Variants in ZNF589 observed in about 807,000 individuals in gnomAD.
The protein encoded by ZNF589 is zinc finger protein 589, also known as KRAB-zinc finger protein SZF1-1.
In ZNF589, 17 loss-of-function variants were observed where a neutral mutation model predicts 13.6. That is an observed-to-expected ratio of 1.25 (90% CI 0.86 to 1.88). The LOEUF (loss-of-function observed/expected upper bound fraction) is 1.88, where lower values mean the gene tolerates loss of function less well. ZNF589 is among the 40% of genes most tolerant of loss of function. The probability of loss-of-function intolerance (pLI) is 0.00; values close to 1 mark genes in which losing one functional copy is unlikely to be tolerated. For synonymous variants in ZNF589, 148 were observed against 161.6 expected (o/e 0.92, Z 0.64); for missense variants, 407 against 434.0 (o/e 0.94, Z 0.55).
chr3:48,261,997 A>G (rs1194855570), intron 3 of ZNF589, among the ~76,000 whole-genome samples: 1 of 152,198 alleles, frequency 6.6e-6, no homozygotes, highest in Non-Finnish European at 1.5e-5. Context: ...ATTCAAATTA[A>G]TCTTGACCCT....
chr3:48,242,859 G>A lies in ZNF589; in HGVS notation c.43+1645G>A, dbSNP rs528454327. Among the ~76,000 whole-genome samples the A allele has an allele frequency of 6.0e-5, 9 of 150,398 alleles. No individual in the cohort carries two copies. The South Asian group carries it at 1.5e-3, about 25-fold the overall frequency. On this transcript the variant is annotated intron_variant, in intron 1 of 3. Transcript: ENST00000354698. ...GCAGGAGGATCTCTTGAGCCCAGGA[G>A]TTCAAGACCAGCCTGGTCAACATGG...
intron 2 of ZNF589, among the ~76,000 whole-genome samples, chr3:48,250,754 G>A (rs756687909): frequency 6.6e-6 from 1 of 152,106 alleles, no homozygotes; most frequent in Non-Finnish European, 1.5e-5. Context: ...TTACAGGCGT[G>A]AGCCACCACA....
At chr3:48,256,244 A>G (rs1343836455) in intron 2 of ZNF589, 2 of 356,052 alleles carry the variant, frequency 5.6e-6, no homozygotes, top group East Asian at 1.7e-4. Flanking sequence ...CCAGGCCGTC[A>G]TGGTGGGGTG....
intron 1 of ZNF589, among the ~76,000 whole-genome samples, chr3:48,242,389 G>A (rs1284970757): frequency 1.3e-5 from 2 of 148,814 alleles, no homozygotes; most frequent in Non-Finnish European, 2.9e-5. Flanking sequence ...TGGGATTACA[G>A]GTGGGAGCTA....
intron 3 of ZNF589, among the ~76,000 whole-genome samples, chr3:48,266,747 C>CA (rs1326741198): frequency 6.6e-6 from 1 of 152,008 alleles, no homozygotes; most frequent in East Asian, 1.9e-4. Context: ...TACTTTAATC[C>CA]AAAAAAACCC....
chr3:48,263,940 C>T (rs1231852795), intron 3 of ZNF589, among the ~76,000 whole-genome samples: 1 of 152,204 alleles, frequency 6.6e-6, no homozygotes, highest in East Asian at 1.9e-4. Flanking sequence ...GCTCCTATCA[C>T]TCATTTACTC....
At chr3:48,255,487 CTTTTTTTTTTTTTTT>C (rs1230659894) in intron 2 of ZNF589, among the ~76,000 whole-genome samples, 3 of 82,758 alleles carry the variant, frequency 3.6e-5, no homozygotes, top group Non-Finnish European at 6.8e-5. Flanking sequence ...AGAGTTTTTA[CTTTTTTTTTTTTTTT>C]TTTTTTTTTT....
intron 2 of ZNF589, among the ~76,000 whole-genome samples, chr3:48,255,722 C>T (rs1385623512): frequency 6.6e-6 from 1 of 151,678 alleles, no homozygotes; most frequent in Non-Finnish European, 1.5e-5. Context: ...CTTGTAACCT[C>T]AGGTGATCTG....
chr3:48,260,023 T>C (rs568360770), intron 2 of ZNF589, among the ~76,000 whole-genome samples: 1 of 152,264 alleles, frequency 6.6e-6, no homozygotes, highest in South Asian at 2.1e-4. Context: ...TCAGTAGAAG[T>C]TGATTGGTGA....
chr3:48,258,460 T>C (rs2033933602), intron 2 of ZNF589, among the ~76,000 whole-genome samples: 1 of 152,226 alleles, frequency 6.6e-6, no homozygotes, highest in Admixed American at 6.5e-5. Flanking sequence ...ACCGTGTCCT[T>C]GGCAAATAGG....
chr3:48,258,325 C>T (rs1297636248), intron 2 of ZNF589, among the ~76,000 whole-genome samples: 1 of 152,022 alleles, frequency 6.6e-6, no homozygotes, highest in Non-Finnish European at 1.5e-5. Flanking sequence ...TCCACATGGT[C>T]GTTGTTAATC....
chr3:48,258,319 C>T (rs1377501411), intron 2 of ZNF589, among the ~76,000 whole-genome samples: 1 of 152,134 alleles, frequency 6.6e-6, no homozygotes, highest in Non-Finnish European at 1.5e-5. Flanking sequence ...TCAGTTTCCA[C>T]ATGGTCGTTG....
chr3:48,252,617 CTTTTT>C (rs71625863), intron 2 of ZNF589, among the ~76,000 whole-genome samples: 3 of 97,286 alleles, frequency 3.1e-5, no homozygotes, highest in African/African-American at 1.1e-4. Flanking sequence ...AGAATAATAT[CTTTTT>C]TTTTTTTTTT....
At chr3:48,261,732 G>T (rs2033970728) in intron 3 of ZNF589, among the ~76,000 whole-genome samples, 1 of 152,178 alleles carries the variant, frequency 6.6e-6, no homozygotes, top group African/African-American at 2.4e-5. Context: ...GCATAGCTAT[G>T]AATTACATAG....
intron 2 of ZNF589, among the ~76,000 whole-genome samples, chr3:48,250,723 C>T (rs903139026): frequency 2.0e-5 from 3 of 152,096 alleles, no homozygotes; most frequent in South Asian, 2.1e-4. Context: ...CCGCCCTCCT[C>T]GGCCTCCCGA....
At position 48,265,850 on chromosome 3, in the gene ZNF589, A is replaced by G. The variant is rs1247664423; in HGVS notation, c.224-2065A>G. Among the ~76,000 whole-genome samples the G allele has an allele frequency of 7.2e-5, 11 of 152,178 alleles. No homozygotes were observed. The South Asian group carries it at 1.0e-3, about 14-fold the overall frequency. On this transcript the variant is annotated intron_variant, in intron 3 of 3. Coordinates refer to ENST00000354698, the MANE Select transcript of ZNF589 (RefSeq NM_016089.3). ...CTGAATTTGGATTCTAAGCTCTATT[A>G]TTATTATTATTATCCTTAATAATAA...
intron 3 of ZNF589, among the ~76,000 whole-genome samples, chr3:48,267,397 AG>A (rs2034029237): frequency 6.6e-6 from 1 of 152,050 alleles, no homozygotes; most frequent in Non-Finnish European, 1.5e-5. Flanking sequence ...AATAAATAGA[AG>A]AATTTTTTTT....
At position 48,268,197 on chromosome 3, in the gene ZNF589, G is replaced by A. The variant is rs751105756; in HGVS notation, c.506G>A (p.Ser169Asn). 2.5e-6 allele frequency: 4 copies of A among 1,609,686 alleles called. No homozygotes were observed. The highest frequency in any genetic ancestry group is 1.1e-5 in the South Asian group (1 of 90,290). ...AGGGGGGCTTTAGTGGGTTTCTCTA[G>A]CCTGTTCCAGAGACCACCAATAAGC... ...NERGALVGFSSLFQRPPISSW... is the reference protein window; with the variant it reads ...NERGALVGFSNLFQRPPISSW... Residue 169 changes from serine to asparagine, a missense_variant, in exon 4 of 4, where the codon AGC becomes AAC. Physicochemically the swap from Ser to Asn is conservative, Grantham distance 46. Coordinates refer to ENST00000354698, the MANE Select transcript of ZNF589 (RefSeq NM_016089.3).
intron 2 of ZNF589, chr3:48,256,961 C>T (rs1384005822): frequency 3.2e-6 from 2 of 632,316 alleles, no homozygotes; most frequent in Non-Finnish European, 5.9e-6. Flanking sequence ...ACCCTGACCT[C>T]CACAATGATT....
Sources: gnomAD v4.1 joint callset for allele counts (sites outside exome capture counted in the v4.1 genomes callset) on GRCh38, gnomAD v4.1.1 for gene constraint, MANE v1.5 for transcripts, NCBI Gene and HGNC (gene_info 2026-07-23, HGNC 2026-07-21) for gene names.